Variants in SLFN12L observed in about 807,000 individuals in gnomAD.
The protein encoded by SLFN12L is schlafen family member 12 like, also known as schlafen family member 12-like.
A neutral mutation model predicts 34.8 loss-of-function variants in SLFN12L; 34 were observed. The ratio of observed to expected loss-of-function variants is 0.98; its 90% CI spans 0.74 to 1.30. The LOEUF (loss-of-function observed/expected upper bound fraction) is 1.30. Ranked by LOEUF, SLFN12L falls within the 50% of genes most tolerant of loss-of-function variation. The pLI, the probability that SLFN12L is intolerant of heterozygous loss-of-function variation, is 0.00. For synonymous variants in SLFN12L, 259 were observed against 247.5 expected (o/e 1.05, Z -0.44); for missense variants, 703 against 696.2 (o/e 1.01, Z -0.11).
intron 1 of SLFN12L, among the ~76,000 whole-genome samples, chr17:35,536,713 C>T (rs1217003019): frequency 1.3e-5 from 2 of 151,174 alleles, no homozygotes; most frequent in African/African-American, 4.9e-5. Context: ...GAGTCTGAGA[C>T]GGGAGGATCA....
intron 2 of SLFN12L, chr17:35,487,742 C>T (rs1567656773): frequency 1.3e-6 from 2 of 1,536,124 alleles, no homozygotes; most frequent in Non-Finnish European, 1.7e-6. Flanking sequence ...AGGTCCATGT[C>T]TGCGCACTCT....
intron 2 of SLFN12L, among the ~76,000 whole-genome samples, chr17:35,489,429 T>C (rs938160154): frequency 2.0e-5 from 3 of 152,052 alleles, no homozygotes; most frequent in African/African-American, 7.2e-5. Flanking sequence ...GGCAGTGCAC[T>C]TGTGGTCCCA....
intron 2 of SLFN12L, among the ~76,000 whole-genome samples, chr17:35,497,871 C>G (rs2142147182): frequency 6.6e-6 from 1 of 152,216 alleles, no homozygotes; most frequent in African/African-American, 2.4e-5. Flanking sequence ...TCTCAATCTT[C>G]GTGAAAAGTC....
At chr17:35,530,443 A>AG (rs35519382) in intron 1 of SLFN12L, among the ~76,000 whole-genome samples, 238 of 14,650 alleles carry the variant, frequency 0.016, 22 homozygotes, top group African/African-American at 0.033. Flanking sequence ...AGGGAAGGGA[A>AG]GAAAGAAAGA....
chr17:35,487,903 G>T, intron 2 of SLFN12L: 1 of 768,706 alleles, frequency 1.3e-6, no homozygotes, highest in South Asian at 1.5e-5. Context: ...TGCGCCTTTG[G>T]AAACGGTGTG....
At chr17:35,526,264 C>A (rs1166998452) in intron 1 of SLFN12L, among the ~76,000 whole-genome samples, 1 of 152,168 alleles carries the variant, frequency 6.6e-6, no homozygotes, top group Non-Finnish European at 1.5e-5. Flanking sequence ...TAGTGGGAGA[C>A]TTTAACACTC....
intron 2 of SLFN12L, chr17:35,499,974 A>T (rs1915232467): frequency 6.5e-6 from 1 of 153,222 alleles, no homozygotes; most frequent in Non-Finnish European, 1.4e-5. Context: ...GGGCCAAAAT[A>T]TTTTTGTCTT....
At chr17:35,476,453 G>T (rs140418952) in intron 4 of SLFN12L, among the ~76,000 whole-genome samples, 109 of 101,868 alleles carry the variant, frequency 1.1e-3, no homozygotes, top group African/African-American at 4.4e-3. Flanking sequence ...AGAAAAGAAA[G>T]CAAGGAAGGA....
rs779828653 is a variant in SLFN12L, at chr17:35,468,990, T to A, written c.*5933A>T. 2.5e-4 allele frequency among the ~76,000 whole-genome samples: 38 copies of A among 152,074 alleles called. No homozygotes were observed. Among genetic ancestry groups the A allele is most frequent in the Non-Finnish European group, 5.3e-4 (36 of 68,018 alleles). ...ATGACCACACCACTGCACTCCAGCC[T>A]CGGTGACAAGGGCAAGACCCTGTGT... On this transcript the variant is annotated 3_prime_UTR_variant, in exon 5 of 5. Coordinates refer to ENST00000628453, the MANE Select transcript of SLFN12L (RefSeq NM_001363830.2).
intron 2 of SLFN12L, among the ~76,000 whole-genome samples, chr17:35,513,929 C>T (rs1016604377): frequency 1.3e-5 from 2 of 152,076 alleles, no homozygotes; most frequent in East Asian, 1.9e-4. Flanking sequence ...CAGGCAAGCA[C>T]GCGAAATTCA....
intron 2 of SLFN12L, among the ~76,000 whole-genome samples, chr17:35,486,413 A>AACTTGGAACCCATGGG: frequency 6.6e-6 from 1 of 152,224 alleles, no homozygotes; most frequent in Non-Finnish European, 1.5e-5. Context: ...GAGGGTACGC[A>AACTTGGAACCCATGGG]TACCACTGGG....
rs1202099453 is a variant in SLFN12L, at chr17:35,522,832, C to G, written c.-468G>C. ...TTCTCCTGCAAATTCAGGTCCACAG[C>G]CTAGCTTCTAGAGAGGATCACAATT... On this transcript the variant is annotated 5_prime_UTR_variant, in exon 2 of 5. Transcript: ENST00000628453. The G allele has an allele frequency of 3.8e-6, 5 of 1,301,932 alleles. No homozygotes were observed. 80.6% of individuals were successfully genotyped at this position (1,301,932 alleles called of 1,614,324 possible).
rs903637988 is a variant in SLFN12L, at chr17:35,490,042, C to T, written c.87-9847G>A. On this transcript the variant is annotated intron_variant, in intron 2 of 4. Transcript: ENST00000628453. ...TCACCACGAACACTTCCACCACCTC[C>T]TGTTCCCTCTCCCTCCAAAGCGGCG... 24 of 1,603,990 alleles carry T rather than the reference C, an allele frequency of 1.5e-5. No homozygotes were observed. The Admixed American group carries it at 3.5e-4, about 23-fold the overall frequency.
chr17:35,480,301 T>A, intron 2 of SLFN12L, 106 bp from the exon 3 acceptor site: 1 of 866,288 alleles, frequency 1.2e-6, no homozygotes. Context: ...TCCACTAGAC[T>A]GGTAAGTATA....
intron 2 of SLFN12L, among the ~76,000 whole-genome samples, chr17:35,493,969 C>T (rs1914942219): frequency 6.6e-6 from 1 of 150,994 alleles, no homozygotes; most frequent in Non-Finnish European, 1.5e-5. Context: ...GTATTCAAAG[C>T]TTAAGCTTTC....
Position 35,468,349 on chromosome 17 carries a change from A to G in SLFN12L, c.*6574T>C, listed in dbSNP as rs530420555. Among the ~76,000 whole-genome samples, 51 of 152,308 alleles carry G rather than the reference A, an allele frequency of 3.3e-4. No homozygotes were observed. Among genetic ancestry groups the G allele is most frequent in the African/African-American group, 1.2e-3 (49 of 41,570 alleles). ...ACCTGAGTCTGTATTTACTTAAAAG[A>G]AATACTCAAGACCCATATCCTAGAT... On this transcript the variant is annotated 3_prime_UTR_variant, in exon 5 of 5. Coordinates refer to ENST00000628453, the MANE Select transcript of SLFN12L (RefSeq NM_001363830.2).
rs1567648003 is a variant in SLFN12L at position 35,479,896 on chromosome 17, A to G, written c.386T>C (p.Leu129Pro). The change falls in exon 3 of 5, where the codon CTG becomes CCG. Residue 129 changes from leucine (L) to proline (P), a missense_variant. By Grantham distance (98) the Leu-to-Pro change is moderately conservative. Coordinates refer to ENST00000628453, the MANE Select transcript of SLFN12L (RefSeq NM_001363830.2). The part of the protein sequence containing the change: ...LDLENSFSNM[L>P]PFVPNFLDFM... The stretch of plus-strand genomic sequence containing the variant: ...GTCCAGGAAATTAGGAACAAATGGC[A>G]GCATGTTACTAAAAGAATTTTCCAA... 6.2e-7 allele frequency: 1 copy of G among 1,612,454 alleles called. No individual in the cohort carries two copies. The highest frequency in any genetic ancestry group is 8.5e-7 in the Non-Finnish European group (1 of 1,179,054).
At chr17:35,519,540 C>T (rs769706357) in intron 2 of SLFN12L, among the ~76,000 whole-genome samples, 9 of 152,090 alleles carry the variant, frequency 5.9e-5, no homozygotes, top group Non-Finnish European at 1.0e-4. Context: ...AGAAGAATTC[C>T]AAATAACTTA....
intron 2 of SLFN12L, among the ~76,000 whole-genome samples, chr17:35,508,392 G>T (rs908669667): frequency 1.3e-5 from 2 of 152,194 alleles, no homozygotes; most frequent in African/African-American, 2.4e-5. Context: ...TGTTGCCCAG[G>T]CTGGAGTGCA....
Sources: gnomAD v4.1 joint callset for allele counts (sites outside exome capture counted in the v4.1 genomes callset) on GRCh38, gnomAD v4.1.1 for gene constraint, MANE v1.5 for transcripts, NCBI Gene and HGNC (gene_info 2026-07-23, HGNC 2026-07-21) for gene names.